Variants in CHP1 observed in about 807,000 individuals in gnomAD.
CHP1 encodes the protein calcineurin like EF-hand protein 1.
A neutral mutation model predicts 27.4 loss-of-function variants in CHP1; 11 were observed. The ratio of observed to expected loss-of-function variants is 0.40; its 90% CI spans 0.25 to 0.67. The LOEUF is 0.67. Ranked by LOEUF, CHP1 falls within the 30% of genes least tolerant of loss-of-function variation. The pLI is 0.38. For missense variants in CHP1, 169 were observed against 251.3 expected (o/e 0.67, Z 2.22); for synonymous variants, 89 against 87.4 (o/e 1.02, Z -0.10).
chr15:41,265,299 G>A (rs534527094), intron 4 of CHP1, among the ~76,000 whole-genome samples: 1 of 146,618 alleles, frequency 6.8e-6, no homozygotes, highest in South Asian at 2.2e-4. Flanking sequence ...GGGAGGTGGA[G>A]GCTACAGTGA....
intron 1 of CHP1, among the ~76,000 whole-genome samples, chr15:41,239,324 T>G (rs2047294315): frequency 6.6e-6 from 1 of 151,822 alleles, no homozygotes; most frequent in Admixed American, 6.6e-5. Context: ...AAGATAGTTT[T>G]TTTTTTTTTA....
intron 4 of CHP1, among the ~76,000 whole-genome samples, chr15:41,267,632 A>G (rs938801028): frequency 6.6e-6 from 1 of 151,870 alleles, no homozygotes; most frequent in African/African-American, 2.4e-5. Context: ...ACTGCACTCC[A>G]GCCTGGGTGA....
intron 2 of CHP1, among the ~76,000 whole-genome samples, chr15:41,245,039 GC>G (rs1283792722): frequency 1.3e-5 from 2 of 152,194 alleles, no homozygotes; most frequent in African/African-American, 4.8e-5. Context: ...TACTCATTAA[GC>G]ATGGGGTTAA....
intron 1 of CHP1, among the ~76,000 whole-genome samples, chr15:41,232,141 C>G (rs972658525): frequency 2.0e-5 from 3 of 151,094 alleles, no homozygotes; most frequent in Non-Finnish European, 2.9e-5. Flanking sequence ...TGCTGGTGTA[C>G]TTTTTTATTC....
intron 2 of CHP1, among the ~76,000 whole-genome samples, chr15:41,243,974 C>T (rs574360902): frequency 1.3e-5 from 2 of 152,030 alleles, no homozygotes; most frequent in Non-Finnish European, 2.9e-5. Flanking sequence ...TCAAGGCGGG[C>T]GGATCATGAG....
chr15:41,270,454 T>G (rs990540644), intron 4 of CHP1, 103 bp from the exon 5 acceptor site: 6 of 832,810 alleles, frequency 7.2e-6, no homozygotes, highest in African/African-American at 1.7e-5. Context: ...GAAAATCGAT[T>G]AATTGGCTGT....
At chr15:41,268,257 T>C (rs1199661659) in intron 4 of CHP1, among the ~76,000 whole-genome samples, 2 of 151,302 alleles carry the variant, frequency 1.3e-5, no homozygotes, top group Admixed American at 6.6e-5. Flanking sequence ...CTCTGAGGAG[T>C]TGAAATTTGA....
chr15:41,273,849 G>A (rs1185427903), intron 5 of CHP1, among the ~76,000 whole-genome samples: 1 of 151,650 alleles, frequency 6.6e-6, no homozygotes, highest in African/African-American at 2.4e-5. Flanking sequence ...GCTGAAGTAG[G>A]AGAATCGCTT....
chr15:41,261,134 TTTTCCTTTCCTTTCCC>T lies in CHP1; in HGVS notation c.222-1608_222-1593del, dbSNP rs1337527568. ...TTCCTTTTCCTTTCCTTTTCCTTCC[TTTTCCTTTCCTTTCCC>T]TTTCCTTTCCTTTTCTTTTTTTTTG... On this transcript the variant is annotated intron_variant, in intron 3 of 6. Transcript: ENST00000334660. Among the ~76,000 whole-genome samples, 215 of 150,750 alleles carry T rather than the reference TTTTCCTTTCCTTTCCC, an allele frequency of 1.4e-3. 1 individual carries two copies. The highest frequency in any genetic ancestry group is 4.9e-3 in the African/African-American group (200 of 41,036).
chr15:41,276,180 G>T (rs2047518853), intron 5 of CHP1, among the ~76,000 whole-genome samples: 1 of 151,314 alleles, frequency 6.6e-6, no homozygotes, highest in Non-Finnish European at 1.5e-5. Context: ...GGTAGAGGTT[G>T]CAGTAAGCCA....
intron 4 of CHP1, among the ~76,000 whole-genome samples, chr15:41,268,002 A>G (rs1362086481): frequency 2.0e-5 from 3 of 152,004 alleles, no homozygotes; most frequent in African/African-American, 7.3e-5. Flanking sequence ...GTTTTTCATT[A>G]AACAAATGTT....
chr15:41,255,364 T>TA (rs1166853036), intron 2 of CHP1, among the ~76,000 whole-genome samples: 1 of 152,154 alleles, frequency 6.6e-6, no homozygotes, highest in Non-Finnish European at 1.5e-5. Context: ...AGAAAGTTTT[T>TA]AAAAAATACT....
At chr15:41,260,920 G>A (rs955263554) in intron 3 of CHP1, among the ~76,000 whole-genome samples, 5 of 151,960 alleles carry the variant, frequency 3.3e-5, no homozygotes, top group South Asian at 4.2e-4. Context: ...GTCTTGCACC[G>A]TCACCTGGGC....
chr15:41,231,499 C>G, intron 1 of CHP1, 50 bp downstream of exon 1: 1 of 1,544,034 alleles, frequency 6.5e-7, no homozygotes, highest in Non-Finnish European at 8.8e-7. Context: ...GCTGGCCTCA[C>G]AACCAAGGGC....
At chr15:41,258,256 C>G (rs1290684297) in intron 3 of CHP1, among the ~76,000 whole-genome samples, 1 of 152,114 alleles carries the variant, frequency 6.6e-6, no homozygotes, top group Non-Finnish European at 1.5e-5. Flanking sequence ...TCTGAATGCA[C>G]CAGTGTGTGT....
chr15:41,267,571 A>G (rs1409243641), intron 4 of CHP1, among the ~76,000 whole-genome samples: 1 of 151,852 alleles, frequency 6.6e-6, no homozygotes, highest in Non-Finnish European at 1.5e-5. Flanking sequence ...CTGAGACAGG[A>G]AAATTGCTTG....
rs1233563505 is a variant in CHP1 at position 41,275,876 on chromosome 15, C to T, written c.412-2891C>T. ...GATTACAGGTATGCACCACCACGCC[C>T]AGCTAATTTTGTATTTTTAGTAGAG... On this transcript the variant is annotated intron_variant, in intron 5 of 6. Coordinates refer to ENST00000334660, the MANE Select transcript of CHP1 (RefSeq NM_007236.5). 2.0e-5 allele frequency among the ~76,000 whole-genome samples: 3 copies of T among 152,024 alleles called. No homozygotes were observed. The East Asian group carries it at 5.8e-4, about 30-fold the overall frequency.
At chr15:41,253,227 G>C (rs560311819) in intron 2 of CHP1, among the ~76,000 whole-genome samples, 1 of 151,818 alleles carries the variant, frequency 6.6e-6, no homozygotes, top group African/African-American at 2.4e-5. Context: ...GTGAGCCACT[G>C]TGCCCGGCCT....
intron 1 of CHP1, among the ~76,000 whole-genome samples, chr15:41,234,900 A>T (rs2047269152): frequency 6.6e-6 from 1 of 152,186 alleles, no homozygotes; most frequent in African/African-American, 2.4e-5. Flanking sequence ...ACAGCATTTT[A>T]TACTTCTTTT....
Sources: gnomAD v4.1 joint callset for allele counts (sites outside exome capture counted in the v4.1 genomes callset) on GRCh38, gnomAD v4.1.1 for gene constraint, MANE v1.5 for transcripts, NCBI Gene and HGNC (gene_info 2026-07-23, HGNC 2026-07-21) for gene names.